BTD: variants seen among roughly 807,000 people sequenced by gnomAD.
The protein encoded by BTD is biocytinase.
In BTD, 13 loss-of-function variants were observed where a neutral mutation model predicts 17.7. The ratio of observed to expected loss-of-function variants is 0.74; its 90% CI spans 0.48 to 1.17. The LOEUF (loss-of-function observed/expected upper bound fraction) is 1.17. Ranked by LOEUF, BTD falls within the 50% of genes most tolerant of loss-of-function variation. The pLI, the probability that BTD is intolerant of heterozygous loss-of-function variation, is 0.00. For missense variants in BTD, 674 were observed against 650.4 expected (o/e 1.04, Z -0.39); for synonymous variants, 240 against 245.2 (o/e 0.98, Z 0.20).
chr3:15,604,384 C>T (rs1373757880), intron 1 of BTD, among the ~76,000 whole-genome samples: 1 of 152,244 alleles, frequency 6.6e-6, no homozygotes, highest in African/African-American at 2.4e-5. Context: ...GCTGGCATGG[C>T]TGGGATGCAG....
At chr3:15,663,505 T>C (rs2065946696) in intron 3 of BTD, among the ~76,000 whole-genome samples, 1 of 152,228 alleles carries the variant, frequency 6.6e-6, no homozygotes, top group Non-Finnish European at 1.5e-5. Context: ...ATTTCTCTAA[T>C]AGATATAGGT....
intron 3 of BTD, among the ~76,000 whole-genome samples, chr3:15,693,059 T>C (rs1048140668): frequency 4.6e-5 from 7 of 152,132 alleles, no homozygotes; most frequent in African/African-American, 1.4e-4. Flanking sequence ...GTCAAATTCA[T>C]AGGAACAGAA....
intron 3 of BTD, among the ~76,000 whole-genome samples, chr3:15,674,120 T>TATG: frequency 7.7e-6 from 1 of 129,118 alleles, no homozygotes; most frequent in East Asian, 2.5e-4. Context: ...TACAATCAGC[T>TATG]ATGATCTCAC....
chr3:15,676,837 T>C, intron 3 of BTD: 1 of 595,928 alleles, frequency 1.7e-6, no homozygotes, highest in Non-Finnish European at 2.8e-6. Context: ...GAAATGAGTT[T>C]TGACAGTTGT....
At position 15,645,749 on chromosome 3, in the gene BTD, A is replaced by G; in HGVS notation, c.*261A>G. The G allele has an allele frequency of 2.1e-6, 1 of 469,674 alleles. No individual in the cohort carries two copies. The highest frequency in any genetic ancestry group is 3.7e-5 in the East Asian group (1 of 27,264). The allele number at this position is 469,674 out of a possible 1,614,324, so 29.1% of individuals were successfully genotyped here. On this transcript the variant is annotated 3_prime_UTR_variant, in exon 4 of 4. Transcript: ENST00000643237. The stretch of plus-strand genomic sequence containing the variant: ...TTTTCAAGCCACATCTTCCTCTAAC[A>G]AATCTCTCAGTATGCGATTGGTCTC...
intron 3 of BTD, chr3:15,689,865 A>C (rs2068586172): frequency 1.5e-6 from 1 of 654,696 alleles, no homozygotes; most frequent in South Asian, 2.2e-5. Flanking sequence ...TGTGTGAATA[A>C]AGTTATTTGG....
At chr3:15,664,560 A>G (rs187207423) in intron 3 of BTD, among the ~76,000 whole-genome samples, 7 of 152,314 alleles carry the variant, frequency 4.6e-5, no homozygotes, top group Admixed American at 4.6e-4. Context: ...TCAGACTTCT[A>G]AACAGTCGAT....
At chr3:15,679,950 C>G (rs2067359821) in intron 3 of BTD, among the ~76,000 whole-genome samples, 1 of 151,858 alleles carries the variant, frequency 6.6e-6, no homozygotes. Context: ...TATAAGTAAT[C>G]CAGAGATGAT....
intron 1 of BTD, among the ~76,000 whole-genome samples, chr3:15,623,816 G>T (rs1292318985): frequency 6.6e-6 from 1 of 152,182 alleles, no homozygotes; most frequent in Non-Finnish European, 1.5e-5. Flanking sequence ...GTGAAGATGT[G>T]CTTGCTTCCC....
intron 3 of BTD, among the ~76,000 whole-genome samples, chr3:15,672,509 T>C (rs1291427925): frequency 1.3e-5 from 2 of 152,236 alleles, no homozygotes; most frequent in East Asian, 3.8e-4. Context: ...ACAACTGATG[T>C]CCTTCCAAGT....
chr3:15,643,981 T>A (rs375233206), intron 3 of BTD, among the ~76,000 whole-genome samples: 7,290 of 104,834 alleles, frequency 0.07, 241 homozygotes, highest in African/African-American at 0.16. Flanking sequence ...TTTATTTATT[T>A]ATTTATTTAT....
In BTD at chr3:15,673,580, G is replaced by A. The variant is rs141604286; in HGVS notation, c.399+31523G>A. On this transcript the variant is annotated intron_variant, in intron 3 of 3. Coordinates refer to the BTD transcript ENST00000672141. ...TTTATGTAAAAAAAGAGGAAAGAGT[G>A]GAGCAGGTTAACAAGGACTGAGAAT... Among the ~76,000 whole-genome samples the A allele has an allele frequency of 1.6e-4, 24 of 152,312 alleles. 1 individual carries two copies. In the East Asian group the frequency reaches 4.6e-3, roughly 29 times the overall value.
intron 3 of BTD, among the ~76,000 whole-genome samples, chr3:15,709,239 C>A (rs758552110): frequency 9.9e-5 from 15 of 152,114 alleles, no homozygotes; most frequent in Non-Finnish European, 2.2e-4. Flanking sequence ...TAACCTATTT[C>A]CTCCCTCTTA....
rs962078448 is a variant in BTD, at chr3:15,652,659, G to A, written c.*7171G>A. Among the ~76,000 whole-genome samples the A allele has an allele frequency of 6.6e-6, 1 of 152,158 alleles. No individual in the cohort carries two copies. Among genetic ancestry groups the A allele is most frequent in the African/African-American group, 2.4e-5 (1 of 41,440 alleles). On this transcript the variant is annotated 3_prime_UTR_variant, in exon 4 of 4. Transcript: ENST00000643237. The stretch of plus-strand genomic sequence containing the variant: ...TTGTTTTAAAATCCTAGGTTTTGAG[G>A]TAATTTATTATACAGCAATAGAAAA...
downstream of BTD, among the ~76,000 whole-genome samples, chr3:15,716,272 G>A (rs1027171898): frequency 2.8e-4 from 42 of 147,904 alleles, no homozygotes; most frequent in Non-Finnish European, 4.3e-4. Flanking sequence ...ATGAGCCACC[G>A]CACCTGGACT....
downstream of BTD, among the ~76,000 whole-genome samples, chr3:15,713,845 A>G (rs2072648368): frequency 6.6e-6 from 1 of 152,198 alleles, no homozygotes; most frequent in Non-Finnish European, 1.5e-5. Context: ...ATTAAGCATA[A>G]GATTTTAGTA....
chr3:15,605,143 C>T (rs2064407905), intron 1 of BTD, among the ~76,000 whole-genome samples: 1 of 152,164 alleles, frequency 6.6e-6, no homozygotes, highest in African/African-American at 2.4e-5. Context: ...TTTCATACTG[C>T]TATGAAGAAA....
At chr3:15,712,187 G>A in exon 4 of BTD, 1 of 1,586,238 alleles carries the variant, frequency 6.3e-7, no homozygotes, top group Non-Finnish European at 8.6e-7. Flanking sequence ...GCTTAAGGCT[G>A]CCAAATGGAG....
chr3:15,601,699 G>A (rs961883495), upstream of BTD: 1 of 1,559,024 alleles, frequency 6.4e-7, no homozygotes, highest in Non-Finnish European at 8.7e-7. Flanking sequence ...TCTCTTCTCG[G>A]CTCCTCCATT....
Sources: allele counts gnomAD v4.1 joint callset (sites outside exome capture counted in the v4.1 genomes callset), GRCh38; gene constraint gnomAD v4.1.1; transcripts MANE v1.5; gene names NCBI Gene and HGNC (gene_info 2026-07-23, HGNC 2026-07-21).